PDE4B: variants seen among roughly 807,000 people sequenced by gnomAD.
The protein encoded by PDE4B is phosphodiesterase 4B, also known as 3',5'-cyclic-AMP phosphodiesterase 4B.
PDE4B carries 20 observed loss-of-function variants against 82.2 expected under a neutral mutation model. That is an observed-to-expected ratio of 0.24 (90% CI 0.17 to 0.35). The LOEUF (loss-of-function observed/expected upper bound fraction) is 0.35, where lower values mean the gene tolerates loss of function less well. Ranked by LOEUF, PDE4B falls within the 10% of genes least tolerant of loss-of-function variation. The pLI is 1.00. For missense variants in PDE4B, 655 were observed against 907.2 expected (o/e 0.72, Z 3.57); for synonymous variants, 320 against 318.9 (o/e 1.00, Z -0.04).
chr1:65,869,183 C>T (rs1183775006), intron 1 of PDE4B, among the ~76,000 whole-genome samples: 4 of 152,172 alleles, frequency 2.6e-5, no homozygotes, highest in East Asian at 3.9e-4. Context: ...AATCATTGTC[C>T]GTTTCAGATA....
At chr1:66,227,645 A>C (rs1651560227) in intron 3 of PDE4B, among the ~76,000 whole-genome samples, 2 of 152,194 alleles carry the variant, frequency 1.3e-5, no homozygotes, top group Non-Finnish European at 2.9e-5. Flanking sequence ...AGATTGATAC[A>C]AACACAGATT....
At chr1:65,991,323 C>G (rs755153775) in intron 3 of PDE4B, among the ~76,000 whole-genome samples, 1 of 152,082 alleles carries the variant, frequency 6.6e-6, no homozygotes, top group Non-Finnish European at 1.5e-5. Flanking sequence ...TCAACTGATC[C>G]GCCTGCCTCG....
chr1:66,141,711 T>C (rs998291757), intron 3 of PDE4B, among the ~76,000 whole-genome samples: 9 of 152,076 alleles, frequency 5.9e-5, no homozygotes, highest in African/African-American at 2.2e-4. Flanking sequence ...TTAGGTCAGT[T>C]TCCTTTATGA....
chr1:66,005,727 A>C (rs1652112954), intron 3 of PDE4B, among the ~76,000 whole-genome samples: 1 of 152,172 alleles, frequency 6.6e-6, no homozygotes, highest in South Asian at 2.1e-4. Context: ...CCTGTATGGA[A>C]ATTGTAGATT....
chr1:66,112,937 C>T (rs1345820776), intron 3 of PDE4B: 1 of 152,148 alleles, frequency 6.6e-6, no homozygotes, highest in Non-Finnish European at 1.5e-5. Context: ...GCTAGTGCTG[C>T]CCCAAGCGAT....
rs576926280 is a variant in PDE4B at position 65,890,068 on chromosome 1, T to A, written c.-70-23177T>A. The stretch of plus-strand genomic sequence containing the variant: ...CTATCTGTACCACTGAGATGAGAAA[T>A]TTAGAACTGCTAGAACTGCTAATCT... On this transcript the variant is annotated intron_variant, in intron 1 of 16. Transcript: ENST00000341517. 9.9e-5 allele frequency among the ~76,000 whole-genome samples: 15 copies of A among 152,100 alleles called. 1 individual carries two copies. The highest frequency in any genetic ancestry group is 3.6e-4 in the African/African-American group (15 of 41,522).
At chr1:66,051,245 CAAAAT>C (rs1655011097) in intron 3 of PDE4B, among the ~76,000 whole-genome samples, 1 of 151,428 alleles carries the variant, frequency 6.6e-6, no homozygotes, top group Admixed American at 6.6e-5. Context: ...TGAAAGAAAA[CAAAAT>C]AAGTGAAAGT....
At chr1:66,173,455 T>C (rs1194324085) in intron 3 of PDE4B, among the ~76,000 whole-genome samples, 1 of 152,184 alleles carries the variant, frequency 6.6e-6, no homozygotes, top group Non-Finnish European at 1.5e-5. Flanking sequence ...TGTATTCTAT[T>C]TTAAGAGGAA....
At chr1:65,992,965 A>C (rs772750375) in intron 3 of PDE4B, 2 of 1,613,998 alleles carry the variant, frequency 1.2e-6, no homozygotes, top group Non-Finnish European at 1.7e-6. Context: ...GTTTGCATAA[A>C]GACTTTCAAG....
At chr1:66,103,861 C>T (rs570125283) in intron 3 of PDE4B, among the ~76,000 whole-genome samples, 2 of 151,974 alleles carry the variant, frequency 1.3e-5, no homozygotes, top group South Asian at 2.1e-4. Context: ...AATCATTGCC[C>T]ACTGTATTGC....
chr1:66,293,932 A>AT (rs947972760), intron 7 of PDE4B, among the ~76,000 whole-genome samples: 2 of 152,190 alleles, frequency 1.3e-5, no homozygotes, highest in African/African-American at 4.8e-5. Flanking sequence ...GTGGCCGGAC[A>AT]TGGTGGCTCA....
intron 7 of PDE4B, among the ~76,000 whole-genome samples, chr1:66,300,307 C>G (rs533087296): frequency 7.9e-5 from 12 of 152,266 alleles, no homozygotes; most frequent in African/African-American, 2.4e-4. Context: ...ACTCACACTG[C>G]ATTCCTGGGT....
At chr1:65,794,775 T>C (rs1233444751) in intron 1 of PDE4B, among the ~76,000 whole-genome samples, 1 of 152,236 alleles carries the variant, frequency 6.6e-6, no homozygotes, top group African/African-American at 2.4e-5. Flanking sequence ...TTAAATGGAC[T>C]GGAATTTATG....
At chr1:65,812,011 A>G (rs982810976) in intron 1 of PDE4B, among the ~76,000 whole-genome samples, 2 of 152,142 alleles carry the variant, frequency 1.3e-5, no homozygotes, top group South Asian at 4.2e-4. Context: ...CAAAATTAAC[A>G]TATTGTAGTA....
At position 65,844,797 on chromosome 1, in the gene PDE4B, G is replaced by A. The variant is rs570756575; in HGVS notation, c.-71+51549G>A. 3.3e-5 allele frequency among the ~76,000 whole-genome samples: 5 copies of A among 152,284 alleles called. No homozygotes were observed. The East Asian group carries it at 7.7e-4, about 23-fold the overall frequency. On this transcript the variant is annotated intron_variant, in intron 1 of 16. Transcript: ENST00000341517. The stretch of plus-strand genomic sequence containing the variant: ...CTTCTTCTTGGCTCAAAGCTTAGAG[G>A]TTGTGACCAGCTGGACAGCTTTCCA...
At chr1:66,004,120 T>C (rs1294058872) in intron 3 of PDE4B, among the ~76,000 whole-genome samples, 2 of 152,186 alleles carry the variant, frequency 1.3e-5, no homozygotes, top group African/African-American at 4.8e-5. Context: ...ACTCTACTTG[T>C]ATTTCATTAG....
At chr1:66,278,274 G>A (rs1229737332) in intron 7 of PDE4B, among the ~76,000 whole-genome samples, 1 of 152,192 alleles carries the variant, frequency 6.6e-6, no homozygotes, top group Non-Finnish European at 1.5e-5. Context: ...CTGATAAGGA[G>A]GAGCCTGCTT....
intron 8 of PDE4B, among the ~76,000 whole-genome samples, chr1:66,351,673 G>A (rs909414180): frequency 1.3e-5 from 2 of 152,136 alleles, no homozygotes; most frequent in African/African-American, 4.8e-5. Context: ...TGAAATGTTA[G>A]GGTTGATCAT....
chr1:65,811,843 T>A (rs1056659363), intron 1 of PDE4B, among the ~76,000 whole-genome samples: 17 of 152,038 alleles, frequency 1.1e-4, no homozygotes, highest in Non-Finnish European at 2.4e-4. Flanking sequence ...TAGAAAAAAA[T>A]TTCTTGTCTG....
Sources: allele counts gnomAD v4.1 joint callset (sites outside exome capture counted in the v4.1 genomes callset), GRCh38; gene constraint gnomAD v4.1.1; transcripts MANE v1.5; gene names NCBI Gene and HGNC (gene_info 2026-07-23, HGNC 2026-07-21).